MAGEA9B: variants seen among roughly 807,000 people sequenced by gnomAD.
MAGEA9B encodes MAGE family member A9B, also known as melanoma-associated antigen 9.
intron 1 of MAGEA9B, chrX:149,586,847 C>T (rs1259232764): frequency 1.3e-4 from 1 of 7,733 alleles, no homozygotes; most frequent in Admixed American, 1.1e-3. Flanking sequence ...CCACCGATAT[C>T]GACCCGCCCC....
rs2089962520 is a variant in MAGEA9B at position 149,582,191 on chromosome X, GCCCTGA to G, written c.*35_*40del. ...TGGGGCAGGGCAGCTGCTGGATGGGGCCCTGACCCCACAAACTTTGGCCCCGGCTGC... is the reference window on the plus strand; with the variant it reads ...TGGGGCAGGGCAGCTGCTGGATGGGGCCCCACAAACTTTGGCCCCGGCTGC... On this transcript the variant is annotated 3_prime_UTR_variant, in exon 4 of 4. Coordinates refer to ENST00000595065, the MANE Select transcript of MAGEA9B (RefSeq NM_001080790.1). The G allele has an allele frequency of 4.0e-6, 2 of 504,892 alleles. No individual in the cohort carries two copies. The highest frequency in any genetic ancestry group is 6.3e-6 in the Non-Finnish European group (2 of 319,625). 41.6% of individuals were successfully genotyped at this position (504,892 alleles called of 1,213,427 possible).
intron 1 of MAGEA9B, among the ~76,000 whole-genome samples, chrX:149,585,878 TA>T (rs1487845319): frequency 3.4e-4 from 38 of 113,314 alleles, no homozygotes; most frequent in African/African-American, 1.1e-3. Flanking sequence ...CGGTCTCAGA[TA>T]GGGGCGGGGT....
At position 149,582,080 on chromosome X, in the gene MAGEA9B, T is replaced by C. The variant is rs1266367551; in HGVS notation, c.*152A>G. On this transcript the variant is annotated 3_prime_UTR_variant, in exon 4 of 4. Coordinates refer to ENST00000595065, the MANE Select transcript of MAGEA9B (RefSeq NM_001080790.1). ...ATAGACAAGGAACCCAGAGATGACA[T>C]ACAGTGTGCTCACTTCCACCCACTG... 1 of 393,211 alleles carries C rather than the reference T, an allele frequency of 2.5e-6. No individual in the cohort carries two copies. The highest frequency in any genetic ancestry group is 5.2e-5 in the African/African-American group (1 of 19,117). 32.4% of individuals were successfully genotyped at this position (393,211 alleles called of 1,213,427 possible). A position where few individuals can be genotyped will look rare whatever the true frequency, so the allele number is the denominator to read the frequency against.
intron 1 of MAGEA9B, among the ~76,000 whole-genome samples, chrX:149,586,540 T>G (rs1602845031): frequency 3.0e-4 from 3 of 10,014 alleles, no homozygotes; most frequent in African/African-American, 3.6e-4. Context: ...ACGGGAGACT[T>G]GGGGGTGGGG....
rs1359090141 is a variant in MAGEA9B, at chrX:149,586,243, C to T, written c.-222+1151G>A. The stretch of plus-strand genomic sequence containing the variant: ...TAAGTGGTGGGGTGGCGAAGGGTGG[C>T]CCACAGCCTGAGAAGTCCGCCCCCG... On this transcript the variant is annotated intron_variant, in intron 1 of 3. Transcript: ENST00000595065. Among the ~76,000 whole-genome samples, 4 of 110,137 alleles carry T rather than the reference C, an allele frequency of 3.6e-5. No homozygotes were observed. The East Asian group carries it at 1.2e-3, about 32-fold the overall frequency.
chrX:149,582,030 C>G lies in MAGEA9B; in HGVS notation c.*202G>C. ...ACATTTGAACAATTCCAAAAGGGAG[C>G]AAGGATAAATCTCCAAATCACCCAA... On this transcript the variant is annotated 3_prime_UTR_variant, in exon 4 of 4. Transcript: ENST00000595065. 3.1e-6 allele frequency: 1 copy of G among 319,579 alleles called. No individual in the cohort carries two copies. The highest frequency in any genetic ancestry group is 5.3e-6 in the Non-Finnish European group (1 of 190,064). 26.3% of individuals were successfully genotyped at this position (319,579 alleles called of 1,213,427 possible).
chrX:149,584,778 G>GCC (rs1156715060), intron 1 of MAGEA9B, among the ~76,000 whole-genome samples: 1 of 18,483 alleles, frequency 5.4e-5, no homozygotes. Context: ...CCTTGATCAG[G>GCC]CCCCCCCCCG....
At position 149,584,778 on chromosome X, in the gene MAGEA9B, G is replaced by GC. The variant is rs1156715060; in HGVS notation, c.-221-1146dup. ...GCCACTTAGCACCATCCTTGATCAG[G>GC]CCCCCCCCCGCCCCCAGATCTAAGA... On this transcript the variant is annotated intron_variant, in intron 1 of 3. Coordinates refer to ENST00000595065, the MANE Select transcript of MAGEA9B (RefSeq NM_001080790.1). 4.5e-3 allele frequency among the ~76,000 whole-genome samples: 84 copies of GC among 18,482 alleles called. 28 individuals are homozygous for GC. Among genetic ancestry groups the GC allele is most frequent in the Non-Finnish European group, 5.4e-3 (50 of 9,338 alleles). The allele number at this position is 18,482 out of a possible 115,157, so 16.0% of individuals were successfully genotyped here.
At position 149,582,495 on chromosome X, in the gene MAGEA9B, CCCCCA is replaced by C; in HGVS notation, c.680_684del (p.Met227SerfsTer36). On this transcript the variant is annotated frameshift_variant, in exon 4 of 4. Coordinates refer to ENST00000595065, the MANE Select transcript of MAGEA9B (RefSeq NM_001080790.1). LOFTEE classifies it high-confidence loss of function. ...AACATGTGCTCCTTCCCAACATACA[CCCCCA>C]TCACACTCAACGCTTCCCAGATAAC... 6.8e-6 allele frequency: 2 copies of C among 292,849 alleles called. No individual in the cohort carries two copies. Among genetic ancestry groups the C allele is most frequent in the South Asian group, 8.6e-5 (2 of 23,293 alleles). 24.1% of individuals were successfully genotyped at this position (292,849 alleles called of 1,213,427 possible).
intron 1 of MAGEA9B, chrX:149,586,784 T>G (rs1196563112): frequency 6.8e-5 from 1 of 14,622 alleles, no homozygotes; most frequent in Non-Finnish European, 1.5e-4. Flanking sequence ...GGGTCTTGAG[T>G]CCTCCCTCAG....
intron 1 of MAGEA9B, among the ~76,000 whole-genome samples, chrX:149,586,561 G>C (rs1225990665): frequency 1.1e-4 from 7 of 63,793 alleles, no homozygotes; most frequent in East Asian, 4.1e-4. Context: ...TGGAGTGGGG[G>C]GGGGGTGAGG....
In MAGEA9B at chrX:149,582,187, TG is replaced by T; in HGVS notation, c.*44del. On this transcript the variant is annotated 3_prime_UTR_variant, in exon 4 of 4. Coordinates refer to ENST00000595065, the MANE Select transcript of MAGEA9B (RefSeq NM_001080790.1). ...CACATGGGGCAGGGCAGCTGCTGGATGGGGCCCTGACCCCACAAACTTTGGC... is the reference window on the plus strand; with the variant it reads ...CACATGGGGCAGGGCAGCTGCTGGATGGGCCCTGACCCCACAAACTTTGGC... 1 of 550,092 alleles carries T rather than the reference TG, an allele frequency of 1.8e-6. No homozygotes were observed. The highest frequency in any genetic ancestry group is 2.8e-6 in the Non-Finnish European group (1 of 357,941). 45.3% of individuals were successfully genotyped at this position (550,092 alleles called of 1,213,427 possible).
Sources: allele counts gnomAD v4.1 joint callset (sites outside exome capture counted in the v4.1 genomes callset), GRCh38; gene constraint gnomAD v4.1.1; transcripts MANE v1.5; gene names NCBI Gene and HGNC (gene_info 2026-07-23, HGNC 2026-07-21).